Variants in SPIN3 observed in about 807,000 individuals in gnomAD.
SPIN3 encodes the protein spindlin family member 3, also known as spindlin-3.
For synonymous variants in SPIN3, 74 were observed against 74.3 expected (o/e 1.00, Z 0.02); for missense variants, 176 against 196.4 (o/e 0.90, Z 0.62).
chrX:56,978,417 G>A (rs1924048497), exon 5 of SPIN3: 1 of 112,089 alleles, frequency 8.9e-6, no homozygotes, highest in African/African-American at 3.2e-5. Context: ...TGGAAGGTGA[G>A]CTGTCTGAAG....
Position 56,991,313 on chromosome X carries a change from T to C in SPIN3, c.*2858A>G, listed in dbSNP as rs1367131464. 9.0e-6 allele frequency: 1 copy of C among 111,596 alleles called. No individual in the cohort carries two copies. The highest frequency in any genetic ancestry group is 3.3e-5 in the African/African-American group (1 of 30,723). 9.2% of individuals were successfully genotyped at this position (111,596 alleles called of 1,213,427 possible). ...CACCCCAAGGAGAGATAGTTGGGTCTAGAAAGCAGATGTTTACCCAGCCAT... is the reference window on the plus strand; with the variant it reads ...CACCCCAAGGAGAGATAGTTGGGTCCAGAAAGCAGATGTTTACCCAGCCAT... On this transcript the variant is annotated 3_prime_UTR_variant, in exon 2 of 2. Coordinates refer to ENST00000374919, the MANE Select transcript of SPIN3 (RefSeq NM_001010862.3).
At chrX:56,984,486 GC>G (rs1924182916) in intron 2 of SPIN3, 1 of 300,004 alleles carries the variant, frequency 3.3e-6, no homozygotes, top group Admixed American at 3.7e-5. Flanking sequence ...GAGCTGAAAA[GC>G]AAAAAAAAAA....
rs758435794 is a variant in SPIN3 at position 56,994,291 on chromosome X, G to A, written c.657C>T (p.Asp219=). 5.8e-6 allele frequency: 7 copies of A among 1,210,320 alleles called. No homozygotes were observed. The African/African-American group carries it at 8.7e-5, about 15-fold the overall frequency. ...CCATGCCAGTTCTCTTGGAGCCATC[G>A]TCTTTGGCGTATTCCACCTGTTTGC... ...LVGKQVEYAK[D]DGSKRTGMVI... Residue 219 remains aspartate, a synonymous_variant, in exon 2 of 2, where the codon GAC becomes GAT. Transcript: ENST00000374919.
intron 3 of SPIN3, chrX:56,982,265 G>T (rs963285850): frequency 9.0e-6 from 1 of 111,278 alleles, no homozygotes; most frequent in Non-Finnish European, 1.9e-5. Flanking sequence ...AGATTCAGGG[G>T]AGCTGGAGCA....
intron 3 of SPIN3, among the ~76,000 whole-genome samples, chrX:56,981,334 C>A (rs1325857): frequency 0.028 from 2,827 of 99,373 alleles, 104 homozygotes; most frequent in African/African-American, 0.1. Flanking sequence ...GAACTCCAGT[C>A]TGGGAGACAG....
At chrX:56,984,195 T>C (rs1056190997) in intron 3 of SPIN3, 1 of 177,276 alleles carries the variant, frequency 5.6e-6, no homozygotes. Flanking sequence ...TTGACACTTG[T>C]TCCATCCATT....
In SPIN3 at chrX:56,991,867, C is replaced by T. The variant is rs1924347114; in HGVS notation, c.*2304G>A. On this transcript the variant is annotated 3_prime_UTR_variant, in exon 2 of 2. Transcript: ENST00000374919. ...AGCCCTAATTTACAATTATGTCCAG[C>T]CATATTTCCTGACATAGCTGACAAC... 1 of 252,427 alleles carries T rather than the reference C, an allele frequency of 4.0e-6. No individual in the cohort carries two copies. The highest frequency in any genetic ancestry group is 2.8e-5 in the African/African-American group (1 of 35,529). The allele number at this position is 252,427 out of a possible 1,213,427, so 20.8% of individuals were successfully genotyped here. A position where few individuals can be genotyped will look rare whatever the true frequency, so the allele number is the denominator to read the frequency against.
At position 56,994,041 on chromosome X, in the gene SPIN3, G is replaced by A. The variant is rs1359921038; in HGVS notation, c.*130C>T. On this transcript the variant is annotated 3_prime_UTR_variant, in exon 2 of 2. Coordinates refer to ENST00000374919, the MANE Select transcript of SPIN3 (RefSeq NM_001010862.3). ...TCCAAAAACGTATGAGAGGGCAGAA[G>A]TTCCAATTTTTTTGCCAAGCAAAAC... The A allele has an allele frequency of 2.9e-6, 2 of 681,641 alleles. No homozygotes were observed. The highest frequency in any genetic ancestry group is 4.2e-6 in the Non-Finnish European group (2 of 480,469). The allele number at this position is 681,641 out of a possible 1,213,427, so 56.2% of individuals were successfully genotyped here.
At chrX:56,988,409 A>G (rs1924264436), downstream of SPIN3, among the ~76,000 whole-genome samples, 1 of 111,210 alleles carries the variant, frequency 9.0e-6, no homozygotes, top group South Asian at 3.8e-4. Context: ...ATTAGGAAAT[A>G]AGATTGGAGC....
At chrX:56,976,386 GC>G (rs1924006386), downstream of SPIN3, 1 of 111,420 alleles carries the variant, frequency 9.0e-6, no homozygotes, top group East Asian at 2.8e-4. Context: ...ACATGCTTTT[GC>G]ATGAATTAAA....
In SPIN3 at chrX:56,994,163, G is replaced by C. The variant is rs1199870113; in HGVS notation, c.*8C>G. ...GTCTCATATATTTGGCAAATTTCAA[G>C]ATGACCTCTAAGATGTTTTTACCAA... is the stretch of plus-strand genomic sequence containing the variant. On this transcript the variant is annotated 3_prime_UTR_variant, in exon 2 of 2. Transcript: ENST00000374919. 1 of 1,181,807 alleles carries C rather than the reference G, an allele frequency of 8.5e-7. No individual in the cohort carries two copies. The highest frequency in any genetic ancestry group is 1.8e-5 in the African/African-American group (1 of 56,319).
At chrX:56,984,431 G>GA (rs1363037813) in exon 3 of SPIN3, 5 of 319,592 alleles carry the variant, frequency 1.6e-5, no homozygotes, top group African/African-American at 2.8e-5. Flanking sequence ...ACAATGAAAA[G>GA]AAAGTCATGT....
chrX:56,984,206 C>T (rs1602739250), intron 3 of SPIN3: 3 of 185,218 alleles, frequency 1.6e-5, no homozygotes, highest in African/African-American at 9.1e-5. Context: ...TCCATCCATT[C>T]CATTTGCTTT....
rs1448638641 is a variant in SPIN3 at position 56,994,451 on chromosome X, T to C, written c.497A>G (p.Tyr166Cys). 1.7e-6 allele frequency: 2 copies of C among 1,210,025 alleles called. No homozygotes were observed. Among genetic ancestry groups the C allele is most frequent in the Admixed American group, 2.2e-5 (1 of 45,793 alleles). ...PVMNTWFYIT[Y>C]EKDPVLYMYQ... ...CATATATAATACAGGATCTTTCTCA[T>C]AGGTAATGTAAAACCATGTGTTCAT... The change falls in exon 2 of 2, where the codon TAT becomes TGT. Residue 166 changes from tyrosine (Y) to cysteine (C), a missense_variant. By Grantham distance (194) the Tyr-to-Cys change is radical. Transcript: ENST00000374919.
At chrX:56,983,985 T>C (rs1924171869) in intron 3 of SPIN3, among the ~76,000 whole-genome samples, 1 of 111,668 alleles carries the variant, frequency 9.0e-6, no homozygotes, top group Non-Finnish European at 1.9e-5. Flanking sequence ...TTTTTAGAGA[T>C]GGAGGTCTCA....
Position 56,992,068 on chromosome X carries a change from A to G in SPIN3, c.*2103T>C, listed in dbSNP as rs1270617068. 10 of 295,972 alleles carry G rather than the reference A, an allele frequency of 3.4e-5. No individual in the cohort carries two copies. In the Admixed American group the frequency reaches 6.1e-4, roughly 18 times the overall value. The allele number at this position is 295,972 out of a possible 1,213,427, so 24.4% of individuals were successfully genotyped here. On this transcript the variant is annotated 3_prime_UTR_variant, in exon 2 of 2. Coordinates refer to ENST00000374919, the MANE Select transcript of SPIN3 (RefSeq NM_001010862.3). ...AAATTTCTAATTCAAAGTCCAAAAT[A>G]ATTAAAGTCCAAAATTCTGCCTTTC...
At chrX:56,990,707 A>G (rs1448687078), downstream of SPIN3, 1 of 111,633 alleles carries the variant, frequency 9.0e-6, no homozygotes, top group Non-Finnish European at 1.9e-5. Context: ...ACTGGCAGAA[A>G]TTGTGGGTTT....
At position 56,995,243 on chromosome X, in the gene SPIN3, G is replaced by A; in HGVS notation, c.-30C>T. On this transcript the variant is annotated 5_prime_UTR_variant, in exon 1 of 2. The change creates a new upstream start codon in the 5' untranslated region. Transcript: ENST00000374919. ...GGCCAGGAGGCGCAGATTCCCCACC[G>A]TCCCGGATTGCGGGCCTCAAGTGCA... 3.4e-6 allele frequency: 1 copy of A among 291,933 alleles called. No homozygotes were observed. Among genetic ancestry groups the A allele is most frequent in the Non-Finnish European group, 6.0e-6 (1 of 167,024 alleles). 24.1% of individuals were successfully genotyped at this position (291,933 alleles called of 1,213,427 possible). A position where few individuals can be genotyped will look rare whatever the true frequency, so the allele number is the denominator to read the frequency against.
intron 5 of SPIN3, chrX:56,977,408 T>C (rs1924028105): frequency 8.9e-6 from 1 of 112,030 alleles, no homozygotes; most frequent in African/African-American, 3.2e-5. Flanking sequence ...TAACTCTGCA[T>C]ATAAGAACCT....
Sources: gnomAD v4.1 joint callset for allele counts (sites outside exome capture counted in the v4.1 genomes callset) on GRCh38, gnomAD v4.1.1 for gene constraint, MANE v1.5 for transcripts, NCBI Gene and HGNC (gene_info 2026-07-23, HGNC 2026-07-21) for gene names.